The following PDE4D variants were observed in gnomAD, a reference collection of about 807,000 sequenced individuals.
The protein encoded by PDE4D is phosphodiesterase 4D, also known as 3',5'-cyclic-AMP phosphodiesterase 4D.
PDE4D carries 24 observed loss-of-function variants against 87.4 expected under a neutral mutation model. That is an observed-to-expected ratio of 0.27 (90% CI 0.20 to 0.39). The LOEUF (loss-of-function observed/expected upper bound fraction) is 0.39, where lower values mean the gene tolerates loss of function less well. Among genes scored for constraint, PDE4D ranks in the 10% least tolerant of loss-of-function variants. The pLI is 1.00. For synonymous variants in PDE4D, 384 were observed against 383.2 expected, an observed-to-expected ratio of 1.00 and a Z score of -0.02; for missense variants, 714 against 1,041.0, an observed-to-expected ratio of 0.69 and a Z score of 4.32.
intron 1 of PDE4D, among the ~76,000 whole-genome samples, chr5:60,304,651 C>CAAAA (rs70975379): frequency 2.2e-3 from 132 of 59,586 alleles, no homozygotes; most frequent in Non-Finnish European, 2.7e-3. Flanking sequence ...GACTCCGTCT[C>CAAAA]AAAAAAAAAA....
chr5:59,304,469 G>A (rs564676115), intron 1 of PDE4D, among the ~76,000 whole-genome samples: 1 of 152,074 alleles, frequency 6.6e-6, no homozygotes, highest in Non-Finnish European at 1.5e-5. Flanking sequence ...TCATTGTCTT[G>A]TTCCAGTTCT....
intron 2 of PDE4D, among the ~76,000 whole-genome samples, chr5:60,134,870 T>C (rs1779902759): frequency 6.6e-6 from 1 of 152,168 alleles, no homozygotes. Flanking sequence ...GGGCCAAGTG[T>C]ACTGAGAAGG....
intron 1 of PDE4D, among the ~76,000 whole-genome samples, chr5:60,470,523 A>G (rs1747733149): frequency 6.6e-6 from 1 of 152,188 alleles, no homozygotes; most frequent in South Asian, 2.1e-4. Flanking sequence ...TAGGACTTGC[A>G]TTGCTAAAGA....
intron 1 of PDE4D, among the ~76,000 whole-genome samples, chr5:59,670,956 A>G (rs529198699): frequency 7.9e-5 from 12 of 152,322 alleles, no homozygotes; most frequent in African/African-American, 2.9e-4. Context: ...GGTATGCACT[A>G]TTACAACCAG....
chr5:60,190,991 G>A (rs909790231), intron 1 of PDE4D, among the ~76,000 whole-genome samples: 5 of 151,998 alleles, frequency 3.3e-5, no homozygotes, highest in South Asian at 2.1e-4. Context: ...CATCTCTGCC[G>A]CACCTGAGAC....
chr5:59,737,900 C>A (rs1004846388), intron 1 of PDE4D, among the ~76,000 whole-genome samples: 23 of 151,978 alleles, frequency 1.5e-4, no homozygotes, highest in Non-Finnish European at 8.8e-5. Flanking sequence ...TTTTGACTTC[C>A]CGGTTTTACA....
chr5:59,728,809 T>C (rs1756966453), intron 1 of PDE4D, among the ~76,000 whole-genome samples: 1 of 152,134 alleles, frequency 6.6e-6, no homozygotes, highest in African/African-American at 2.4e-5. Flanking sequence ...TAGAGCAAGA[T>C]TTAAAATAAA....
intron 1 of PDE4D, among the ~76,000 whole-genome samples, chr5:59,336,626 C>T (rs753407475): frequency 5.9e-5 from 9 of 152,184 alleles, no homozygotes; most frequent in Non-Finnish European, 1.2e-4. Context: ...CTCACAGCTG[C>T]TAACAGAAGT....
intron 1 of PDE4D, among the ~76,000 whole-genome samples, chr5:59,539,261 C>T (rs979176804): frequency 2.0e-5 from 3 of 152,098 alleles, no homozygotes; most frequent in African/African-American, 7.2e-5. Context: ...GTACAAAGAC[C>T]ACAGAGTTCA....
At chr5:59,053,655 G>GTTTTTTT (rs1367942598) in intron 5 of PDE4D, among the ~76,000 whole-genome samples, 13 of 74,888 alleles carry the variant, frequency 1.7e-4, no homozygotes, top group African/African-American at 7.1e-4. Flanking sequence ...GTTTTTTTTT[G>GTTTTTTT]TTGTTGTTTT....
chr5:60,048,475 T>A (rs1769615493), intron 2 of PDE4D, among the ~76,000 whole-genome samples: 1 of 152,286 alleles, frequency 6.6e-6, no homozygotes, highest in African/African-American at 2.4e-5. Context: ...GGTCTTTACA[T>A]TTTGGCATGA....
chr5:59,217,965 C>G (rs1225615312), intron 1 of PDE4D: 1 of 470,590 alleles, frequency 2.1e-6, no homozygotes, highest in Non-Finnish European at 4.3e-6. Context: ...CATTAAGATA[C>G]AAAAATAAAG....
At chr5:60,441,693 C>T (rs767509989) in intron 1 of PDE4D, among the ~76,000 whole-genome samples, 3 of 152,082 alleles carry the variant, frequency 2.0e-5, no homozygotes, top group Non-Finnish European at 4.4e-5. Flanking sequence ...ATCCATCTGA[C>T]AAAGGACTAA....
At chr5:59,303,907 T>C (rs1288976282) in intron 1 of PDE4D, among the ~76,000 whole-genome samples, 1 of 152,134 alleles carries the variant, frequency 6.6e-6, no homozygotes, top group Non-Finnish European at 1.5e-5. Flanking sequence ...TTTAGAATTG[T>C]TTTTTCTAAT....
intron 1 of PDE4D, among the ~76,000 whole-genome samples, chr5:60,271,527 G>C (rs1750804735): frequency 6.6e-6 from 1 of 152,084 alleles, no homozygotes; most frequent in African/African-American, 2.4e-5. Flanking sequence ...ATAAGTGAGA[G>C]GAAAATTGAC....
At chr5:59,281,715 C>T (rs538691064) in intron 1 of PDE4D, among the ~76,000 whole-genome samples, 5 of 152,194 alleles carry the variant, frequency 3.3e-5, no homozygotes, top group Admixed American at 2.0e-4. Context: ...TAGTAACTTC[C>T]TATTCTCCTC....
At chr5:59,800,244 G>A (rs933836335) in intron 1 of PDE4D, among the ~76,000 whole-genome samples, 2 of 151,842 alleles carry the variant, frequency 1.3e-5, no homozygotes, top group African/African-American at 2.4e-5. Flanking sequence ...GAACATGTGC[G>A]ACAATACTAA....
chr5:60,507,171 T>A (rs1750361450), intron 1 of PDE4D, among the ~76,000 whole-genome samples: 1 of 152,126 alleles, frequency 6.6e-6, no homozygotes, highest in South Asian at 2.1e-4. Context: ...GCCTCCCATG[T>A]TGAAGCTATT....
intron 1 of PDE4D, among the ~76,000 whole-genome samples, chr5:59,613,018 C>A (rs1335793134): frequency 3.3e-5 from 5 of 152,118 alleles, no homozygotes; most frequent in African/African-American, 1.2e-4. Context: ...GACCTAATGC[C>A]ACCTAGACTG....
Sources: allele counts gnomAD v4.1 joint callset (sites outside exome capture counted in the v4.1 genomes callset), GRCh38; gene constraint gnomAD v4.1.1; transcripts MANE v1.5; gene names NCBI Gene and HGNC (gene_info 2026-07-23, HGNC 2026-07-21).